Variants in MACROD2 observed in about 807,000 individuals in gnomAD.
MACROD2 encodes the protein ADP-ribose glycohydrolase MACROD2.
MACROD2 carries 36 observed loss-of-function variants against 70.4 expected under a neutral mutation model. The observed-to-expected ratio is 0.51, with a 90% CI of 0.39 to 0.68. The LOEUF is 0.68. MACROD2 is among the 30% of genes least tolerant of loss of function. MACROD2 has a pLI of 0.00. For missense variants in MACROD2, 496 were observed against 538.4 expected, an observed-to-expected ratio of 0.92 and a Z score of 0.78; for synonymous variants, 172 against 178.8, an observed-to-expected ratio of 0.96 and a Z score of 0.30.
intron 4 of MACROD2, among the ~76,000 whole-genome samples, chr20:14,531,232 A>G (rs978103068): frequency 2.6e-5 from 4 of 152,318 alleles, no homozygotes; most frequent in South Asian, 2.1e-4. Flanking sequence ...ATTTGGAGAA[A>G]TGGTCTCTGC....
At chr20:14,654,525 G>A (rs571228087) in intron 4 of MACROD2, among the ~76,000 whole-genome samples, 13 of 146,410 alleles carry the variant, frequency 8.9e-5, no homozygotes, top group Non-Finnish European at 1.9e-4. Context: ...CACCCTGGGA[G>A]ATGGAGTGAG....
At chr20:15,271,233 T>C (rs911746726) in intron 6 of MACROD2, among the ~76,000 whole-genome samples, 1 of 152,164 alleles carries the variant, frequency 6.6e-6, no homozygotes, top group Admixed American at 6.5e-5. Context: ...CAATCCCTTG[T>C]TCATAGAAAG....
intron 7 of MACROD2, among the ~76,000 whole-genome samples, chr20:15,456,750 T>C (rs946642318): frequency 2.6e-5 from 4 of 152,162 alleles, no homozygotes; most frequent in African/African-American, 9.7e-5. Context: ...GAAATACCAA[T>C]GCCTGGGTCT....
intron 3 of MACROD2, among the ~76,000 whole-genome samples, chr20:14,319,323 CT>C (rs2082639087): frequency 6.6e-6 from 1 of 152,168 alleles, no homozygotes; most frequent in Admixed American, 6.6e-5. Flanking sequence ...ACAGTCATGG[CT>C]TAGGCCGCAC....
At chr20:15,124,309 G>T (rs990080924) in intron 5 of MACROD2, among the ~76,000 whole-genome samples, 3 of 148,972 alleles carry the variant, frequency 2.0e-5, no homozygotes, top group East Asian at 3.9e-4. Context: ...GTTATTTAAA[G>T]ATTTTCTTTA....
At position 15,999,678 on chromosome 20, in the gene MACROD2, A is replaced by G. The variant is rs546056999; in HGVS notation, c.1153+12520A>G. Among the ~76,000 whole-genome samples, 16 of 152,360 alleles carry G rather than the reference A, an allele frequency of 1.1e-4. No individual in the cohort carries two copies. In the South Asian group the frequency reaches 3.3e-3, roughly 32 times the overall value. On this transcript the variant is annotated intron_variant, in intron 15 of 17. Coordinates refer to ENST00000684519, the MANE Select transcript of MACROD2 (RefSeq NM_001351661.2). Reference sequence around the variant, plus strand: ...GATGTTTGGTGGATAAATACATACAATTGTACATCTTCTTGATAAATTGAT... The same window carrying G: ...GATGTTTGGTGGATAAATACATACAGTTGTACATCTTCTTGATAAATTGAT...
chr20:14,247,561 G>A (rs1796454796), intron 3 of MACROD2, among the ~76,000 whole-genome samples: 1 of 152,202 alleles, frequency 6.6e-6, no homozygotes, highest in East Asian at 1.9e-4. Context: ...CAGGTTGGGT[G>A]TCCCTAATCT....
At chr20:15,809,692 C>G (rs987405612) in intron 8 of MACROD2, among the ~76,000 whole-genome samples, 8 of 152,038 alleles carry the variant, frequency 5.3e-5, no homozygotes, top group African/African-American at 1.9e-4. Context: ...CGTTAGGCCC[C>G]ACCTCTAACA....
chr20:14,482,354 T>C (rs1202995779), intron 3 of MACROD2, among the ~76,000 whole-genome samples: 1 of 152,164 alleles, frequency 6.6e-6, no homozygotes, highest in East Asian at 1.9e-4. Context: ...AAAGTCTTCA[T>C]ATACTACAGT....
chr20:15,302,726 G>A (rs2077658976), intron 6 of MACROD2, among the ~76,000 whole-genome samples: 1 of 152,214 alleles, frequency 6.6e-6, no homozygotes, highest in Non-Finnish European at 1.5e-5. Context: ...GATGTTGCCA[G>A]ATGGCCTTCT....
At chr20:15,026,017 A>G (rs895770275) in intron 5 of MACROD2, among the ~76,000 whole-genome samples, 4 of 152,212 alleles carry the variant, frequency 2.6e-5, no homozygotes, top group Non-Finnish European at 2.9e-5. Context: ...ATTAAGCCTT[A>G]CAAGAAGAGT....
chr20:15,762,847 C>G (rs1185675312), intron 8 of MACROD2, among the ~76,000 whole-genome samples: 1 of 152,094 alleles, frequency 6.6e-6, no homozygotes, highest in Non-Finnish European at 1.5e-5. Flanking sequence ...ATTACTGTAC[C>G]ATCTATAAGG....
At chr20:15,556,564 T>C (rs961679414) in intron 8 of MACROD2, among the ~76,000 whole-genome samples, 1 of 152,226 alleles carries the variant, frequency 6.6e-6, no homozygotes, top group Non-Finnish European at 1.5e-5. Context: ...GATAAAAATA[T>C]TGGAAGAGAC....
intron 5 of MACROD2, among the ~76,000 whole-genome samples, chr20:15,007,847 CTTG>C (rs1162324364): frequency 7.2e-5 from 11 of 152,232 alleles, no homozygotes; most frequent in African/African-American, 2.7e-4. Flanking sequence ...TGGGGCCAGG[CTTG>C]CCCATCCAAA....
At chr20:15,440,009 T>C (rs994215662) in intron 7 of MACROD2, among the ~76,000 whole-genome samples, 1 of 152,168 alleles carries the variant, frequency 6.6e-6, no homozygotes, top group Non-Finnish European at 1.5e-5. Context: ...CTTTGAGCCC[T>C]ATTTTGACAC....
chr20:14,485,445 T>A (rs1019626001), intron 3 of MACROD2, among the ~76,000 whole-genome samples: 1 of 152,176 alleles, frequency 6.6e-6, no homozygotes, highest in Non-Finnish European at 1.5e-5. Flanking sequence ...CTCACGCCTG[T>A]AATCCCAGCA....
intron 5 of MACROD2, among the ~76,000 whole-genome samples, chr20:14,786,236 G>T: frequency 6.6e-6 from 1 of 151,374 alleles, no homozygotes; most frequent in South Asian, 2.1e-4. Flanking sequence ...GAGAGAGAGA[G>T]AATATGAGGG....
intron 4 of MACROD2, among the ~76,000 whole-genome samples, chr20:14,577,131 G>A (rs1190254651): frequency 6.6e-6 from 1 of 152,156 alleles, no homozygotes; most frequent in African/African-American, 2.4e-5. Flanking sequence ...TCCAAAAGCA[G>A]ATACTATTTA....
intron 3 of MACROD2, among the ~76,000 whole-genome samples, chr20:14,272,393 T>C (rs2082204295): frequency 6.6e-6 from 1 of 151,782 alleles, no homozygotes; most frequent in African/African-American, 2.4e-5. Flanking sequence ...CCAGCCAAAC[T>C]AAGCTTCATA....
Sources: gnomAD v4.1 joint callset for allele counts (sites outside exome capture counted in the v4.1 genomes callset) on GRCh38, gnomAD v4.1.1 for gene constraint, MANE v1.5 for transcripts, NCBI Gene and HGNC (gene_info 2026-07-23, HGNC 2026-07-21) for gene names.